The following NAV1 variants were observed in gnomAD, a reference collection of about 807,000 sequenced individuals.
NAV1 encodes the protein neuron navigator 1.
NAV1 carries 18 observed loss-of-function variants against 175.2 expected under a neutral mutation model. The observed-to-expected ratio is 0.10, with a 90% confidence interval of 0.07 to 0.15. The LOEUF (loss-of-function observed/expected upper bound fraction) is 0.15. Ranked by LOEUF, NAV1 falls within the 10% of genes least tolerant of loss-of-function variation. NAV1 has a pLI of 1.00. For missense variants in NAV1, 1,731 were observed against 2,436.6 expected (o/e 0.71, Z 6.10); for synonymous variants, 897 against 978.7 (o/e 0.92, Z 1.56).
chr1:201,563,230 C>T (rs1042830448), intron 1 of NAV1, among the ~76,000 whole-genome samples: 1 of 152,188 alleles, frequency 6.6e-6, no homozygotes, highest in African/African-American at 2.4e-5. Context: ...GCATCCGCGG[C>T]AGCAGGAAAC....
intron 13 of NAV1, chr1:201,791,448 C>T (rs911640482): frequency 1.3e-5 from 2 of 151,402 alleles, no homozygotes; most frequent in Non-Finnish European, 2.9e-5. Flanking sequence ...GAAATGAAGC[C>T]ACCTCCTCTA....
Position 201,810,422 on chromosome 1 carries a change from TC to T in NAV1, c.4562-100del. The T allele has an allele frequency of 8.6e-7, 1 of 1,167,192 alleles. No homozygotes were observed. 72.3% of individuals were successfully genotyped at this position (1,167,192 alleles called of 1,614,324 possible). ...ACCATGGGGCAAGTGGCTCTGAGTTTCTTCAGGGGGCTCCTAGATAAAGAAA... is the reference window on the plus strand; with the variant it reads ...ACCATGGGGCAAGTGGCTCTGAGTTTTTCAGGGGGCTCCTAGATAAAGAAA... On this transcript the variant is annotated intron_variant, in intron 23 of 29. Transcript: ENST00000367296. This position sits in a 1 kb window ranked among gnomAD's most constrained non-coding sequence, Gnocchi z 6.0.
At position 201,782,948 on chromosome 1, in the gene NAV1, T is replaced by C. The variant is rs1322529791; in HGVS notation, c.2357+79T>C. The C allele has an allele frequency of 2.4e-6, 3 of 1,266,588 alleles. No homozygotes were observed. The highest frequency in any genetic ancestry group is 1.5e-5 in the African/African-American group (1 of 66,292). The allele number at this position is 1,266,588 out of a possible 1,614,324, so 78.5% of individuals were successfully genotyped here. Reference sequence around the variant, plus strand: ...ATATCTCTGCCCTCCTTGGACTAGATGAGGCATGGCCTATCCACCGTTGTC... The same window carrying C: ...ATATCTCTGCCCTCCTTGGACTAGACGAGGCATGGCCTATCCACCGTTGTC... On this transcript the variant is annotated intron_variant, in intron 6 of 29. Coordinates refer to ENST00000367296, the Ensembl canonical transcript of NAV1. This position sits in a 1 kb window ranked among gnomAD's most constrained non-coding sequence, Gnocchi z 5.4.
At position 201,784,830 on chromosome 1, in the gene NAV1, G is replaced by A. The variant is rs1293626230; in HGVS notation, c.2805-480G>A. ...CGCCCAGGCTGGAGTGCAGTGGCGC[G>A]ATCTTGGCTCACTTGCAAGTTCCAC... On this transcript the variant is annotated intron_variant, in intron 7 of 29. Transcript: ENST00000367296. Among the ~76,000 whole-genome samples the A allele has an allele frequency of 5.3e-5, 8 of 151,784 alleles. 1 individual carries two copies. In the South Asian group the frequency reaches 6.3e-4, roughly 12 times the overall value.
chr1:201,713,178 A>T (rs954282191), intron 2 of NAV1, among the ~76,000 whole-genome samples: 4 of 152,258 alleles, frequency 2.6e-5, no homozygotes, highest in Non-Finnish European at 5.9e-5. Context: ...AGGAGCCAGG[A>T]AGTGGAAGCC....
chr1:201,543,336 C>G (rs1316838121), intron 1 of NAV1, among the ~76,000 whole-genome samples: 1 of 151,218 alleles, frequency 6.6e-6, no homozygotes, highest in Non-Finnish European at 1.5e-5. Flanking sequence ...TTTTTTTAAT[C>G]ACAAAGGGGT....
In NAV1 at chr1:201,783,702, T is replaced by C. The variant is rs750275359; in HGVS notation, c.2654T>C (p.Met885Thr). The C allele has an allele frequency of 6.2e-6, 10 of 1,614,050 alleles. No homozygotes were observed. In the Admixed American group the frequency reaches 6.7e-5, roughly 11 times the overall value. ...AAACTCTCAGGCCTGCACAGGAGCATGGAGTCCCTCCAGATGCCAATGAGC... is the reference window on the plus strand; with the variant it reads ...AAACTCTCAGGCCTGCACAGGAGCACGGAGTCCCTCCAGATGCCAATGAGC... Residue 885 changes from methionine to threonine, a missense_variant, in exon 7 of 30, where the codon ATG becomes ACG. Met to Thr is a moderately conservative substitution (Grantham distance 81, BLOSUM62 -1). Transcript: ENST00000367296.
chr1:201,756,575 T>C (rs1674475816), intron 3 of NAV1, among the ~76,000 whole-genome samples: 2 of 152,134 alleles, frequency 1.3e-5, no homozygotes, highest in South Asian at 4.2e-4. Context: ...GACTCTGCAG[T>C]CTCCTTCATA....
chr1:201,680,148 G>A lies in NAV1; in HGVS notation c.757+30723G>A, dbSNP rs1393062219. Among the ~76,000 whole-genome samples the A allele has an allele frequency of 2.6e-5, 4 of 152,148 alleles. No homozygotes were observed. In the South Asian group the frequency reaches 6.2e-4, roughly 24 times the overall value. On this transcript the variant is annotated intron_variant, in intron 1 of 29. Transcript: ENST00000367296. ...GAGGCCTCAGGGAGCTTTTACTCAT[G>A]GCAGAAGGTGAACGGGGAGCGGGTG...
At chr1:201,783,699 G>C (rs1290598088) in exon 7 of NAV1, 1 of 1,614,238 alleles carries the variant, frequency 6.2e-7, no homozygotes, top group Admixed American at 1.7e-5. Flanking sequence ...CTGCACAGGA[G>C]CATGGAGTCC....
intron 1 of NAV1, among the ~76,000 whole-genome samples, chr1:201,669,579 G>A (rs1367212478): frequency 1.3e-5 from 2 of 152,230 alleles, no homozygotes; most frequent in Non-Finnish European, 2.9e-5. Context: ...AGACAAGAAA[G>A]CTTTTAATTG....
chr1:201,630,099 T>C (rs1012908615), intron 2 of NAV1, among the ~76,000 whole-genome samples: 3 of 152,220 alleles, frequency 2.0e-5, no homozygotes, highest in Admixed American at 2.0e-4. Flanking sequence ...TCAGTGTCTC[T>C]GAATAAATGA....
upstream of NAV1, among the ~76,000 whole-genome samples, chr1:201,619,199 C>T (rs1468926176): frequency 1.3e-5 from 2 of 152,264 alleles, no homozygotes; most frequent in Admixed American, 6.5e-5. Flanking sequence ...ACAGCAACTG[C>T]GTCTGCTCCA....
chr1:201,632,579 G>A (rs2102299579), intron 2 of NAV1, among the ~76,000 whole-genome samples: 1 of 152,394 alleles, frequency 6.6e-6, no homozygotes, highest in South Asian at 2.1e-4. Context: ...TGTGCAGGAG[G>A]ACTGGGAAAG....
At position 201,726,603 on chromosome 1, in the gene NAV1, G is replaced by A. The variant is rs188211745; in HGVS notation, c.1226+7848G>A. Among the ~76,000 whole-genome samples, 238 of 140,406 alleles carry A rather than the reference G, an allele frequency of 1.7e-3. 1 individual carries two copies. The highest frequency in any genetic ancestry group is 9.2e-3 in the Admixed American group (117 of 12,706). 92.1% of individuals were successfully genotyped at this position (140,406 alleles called of 152,430 possible). On this transcript the variant is annotated intron_variant, in intron 3 of 29. Coordinates refer to ENST00000367296, the Ensembl canonical transcript of NAV1. ...GTGGAAGTTGTAGTGAGCCAAGATCGCACCACTCCACTCCAGCCTGGGCAA... is the reference window on the plus strand; with the variant it reads ...GTGGAAGTTGTAGTGAGCCAAGATCACACCACTCCACTCCAGCCTGGGCAA...
At chr1:201,771,857 G>A (rs1675610879) in intron 3 of NAV1, among the ~76,000 whole-genome samples, 1 of 152,070 alleles carries the variant, frequency 6.6e-6, no homozygotes, top group Admixed American at 6.6e-5. Flanking sequence ...GTATAGATAG[G>A]GAATTTCAGC....
intron 3 of NAV1, among the ~76,000 whole-genome samples, chr1:201,734,888 T>A (rs1449644296): frequency 1.3e-5 from 2 of 152,156 alleles, no homozygotes; most frequent in Admixed American, 6.5e-5. Flanking sequence ...TCAGCTAGGA[T>A]TACTGAGACG....
intron 3 of NAV1, among the ~76,000 whole-genome samples, chr1:201,744,463 C>T (rs1224880396): frequency 4.6e-5 from 7 of 152,064 alleles, no homozygotes; most frequent in African/African-American, 1.7e-4. Flanking sequence ...CATTTAGGAG[C>T]TATGTTTTCT....
At chr1:201,704,726 C>T (rs1437887387) in intron 1 of NAV1, among the ~76,000 whole-genome samples, 1 of 152,264 alleles carries the variant, frequency 6.6e-6, no homozygotes, top group Non-Finnish European at 1.5e-5. Context: ...GCCCCATCTC[C>T]ATCCTGTTGA....
Sources: allele counts gnomAD v4.1 joint callset (sites outside exome capture counted in the v4.1 genomes callset), GRCh38; gene constraint gnomAD v4.1.1; non-coding constraint Gnocchi (gnomAD v3.1); transcripts MANE v1.5; gene names NCBI Gene and HGNC (gene_info 2026-07-23, HGNC 2026-07-21).